SHISA9: variants seen among roughly 807,000 people sequenced by gnomAD.
SHISA9 encodes the protein protein shisa-9.
Under a neutral mutation model 38.0 loss-of-function variants are expected in SHISA9, and 13 were observed. The observed-to-expected ratio is 0.34, with a 90% CI of 0.22 to 0.54. The LOEUF (loss-of-function observed/expected upper bound fraction) is 0.54. Ranked by LOEUF, SHISA9 falls within the 20% of genes least tolerant of loss-of-function variation. The pLI is 0.91. For missense variants in SHISA9, 538 were observed against 575.8 expected, an observed-to-expected ratio of 0.93 and a Z score of 0.67; for synonymous variants, 275 against 242.0, an observed-to-expected ratio of 1.14 and a Z score of -1.27.
At chr16:13,516,592 G>C in the SHISA9 span, among the ~76,000 whole-genome samples, 3 of 152,136 alleles carry the variant, frequency 2.0e-5, no homozygotes, top group African/African-American at 7.2e-5. Flanking sequence ...CTGAGGTCAG[G>C]AGTTCGAGAC....
chr16:13,022,016 G>T (rs1057485054), intron 2 of SHISA9, among the ~76,000 whole-genome samples: 1 of 152,194 alleles, frequency 6.6e-6, no homozygotes, highest in Non-Finnish European at 1.5e-5. Flanking sequence ...TCTCGAGAGA[G>T]AATTCTTCCT....
chr16:13,226,014 C>T (rs204028), intron 4 of SHISA9, among the ~76,000 whole-genome samples: 118,772 of 151,802 alleles, frequency 0.78, 46,727 homozygotes, highest in Middle Eastern at 0.85. Flanking sequence ...CATCTGCCCA[C>T]GAGGTACCGG....
the SHISA9 span, among the ~76,000 whole-genome samples, chr16:13,252,071 T>G: frequency 7.2e-5 from 11 of 152,174 alleles, no homozygotes; most frequent in African/African-American, 2.4e-4. Flanking sequence ...TTCAGTTCCC[T>G]CCTTTTCACT....
At position 13,213,220 on chromosome 16, in the gene SHISA9, A is replaced by T. The variant is rs1326737771; in HGVS notation, c.848-33A>T. Reference sequence around the variant, plus strand: ...GTGAACATGGGTGCCCTGCAAACAGATCATCAGCATTTCTTGATTGTTATT... The same window carrying T: ...GTGAACATGGGTGCCCTGCAAACAGTTCATCAGCATTTCTTGATTGTTATT... On this transcript the variant is annotated intron_variant, in intron 3 of 4. Coordinates refer to ENST00000558583, the MANE Select transcript of SHISA9 (RefSeq NM_001145204.3). The T allele has an allele frequency of 5.2e-6, 8 of 1,549,172 alleles. No homozygotes were observed. The South Asian group carries it at 9.5e-5, about 18-fold the overall frequency.
At chr16:13,521,647 T>A in the SHISA9 span, among the ~76,000 whole-genome samples, 4 of 152,302 alleles carry the variant, frequency 2.6e-5, no homozygotes, top group East Asian at 5.8e-4. Context: ...GTAGATAGCT[T>A]TTGAATGTGA....
At chr16:13,406,492 G>C in the SHISA9 span, among the ~76,000 whole-genome samples, 1 of 152,158 alleles carries the variant, frequency 6.6e-6, no homozygotes, top group Non-Finnish European at 1.5e-5. Context: ...CTCAGGTCCA[G>C]GGCATCCTCT....
At chr16:13,294,710 T>C in the SHISA9 span, among the ~76,000 whole-genome samples, 14 of 152,356 alleles carry the variant, frequency 9.2e-5, no homozygotes, top group African/African-American at 2.9e-4. Context: ...TGGCAAATAC[T>C]GTATCTTCAT....
At chr16:13,462,123 T>C in the SHISA9 span, among the ~76,000 whole-genome samples, 1,251 of 151,246 alleles carry the variant, frequency 8.3e-3, 15 homozygotes, top group African/African-American at 0.029. Flanking sequence ...GAAAAAAAAA[T>C]AGCTGGGTAT....
chr16:13,342,642 T>C, the SHISA9 span, among the ~76,000 whole-genome samples: 1 of 152,210 alleles, frequency 6.6e-6, no homozygotes, highest in Admixed American at 6.5e-5. Context: ...CAAACTCTAA[T>C]ACAATAACTC....
chr16:13,491,974 G>T, the SHISA9 span, among the ~76,000 whole-genome samples: 1 of 150,946 alleles, frequency 6.6e-6, no homozygotes, highest in Non-Finnish European at 1.5e-5. Flanking sequence ...ACCATGTCTA[G>T]CTAAGGGCTG....
intron 2 of SHISA9, among the ~76,000 whole-genome samples, chr16:13,041,448 C>T (rs765076054): frequency 6.6e-6 from 1 of 152,234 alleles, no homozygotes; most frequent in African/African-American, 2.4e-5. Flanking sequence ...CCTTTGTCCT[C>T]TCTTTGGCTG....
chr16:13,361,798 T>C, the SHISA9 span, among the ~76,000 whole-genome samples: 2 of 152,236 alleles, frequency 1.3e-5, no homozygotes, highest in African/African-American at 4.8e-5. Flanking sequence ...TGATGATGTG[T>C]TGTCTGTTTC....
At chr16:13,148,689 GCACACACACA>G (rs3075124) in intron 2 of SHISA9, among the ~76,000 whole-genome samples, 2 of 132,442 alleles carry the variant, frequency 1.5e-5, no homozygotes, top group African/African-American at 3.2e-5. Context: ...ACATACACAA[GCACACACACA>G]CACACACACA....
At chr16:13,131,631 G>GA (rs61589895) in intron 2 of SHISA9, among the ~76,000 whole-genome samples, 21,694 of 150,068 alleles carry the variant, frequency 0.14, 2,036 homozygotes, top group African/African-American at 0.25. Context: ...AAAGTTGATG[G>GA]AAAAAAAAAG....
At chr16:13,549,758 C>G in the SHISA9 span, among the ~76,000 whole-genome samples, 3 of 152,014 alleles carry the variant, frequency 2.0e-5, no homozygotes, top group Admixed American at 1.3e-4. Flanking sequence ...GGTGTGGTGG[C>G]TCACACCTGT....
the SHISA9 span, among the ~76,000 whole-genome samples, chr16:13,531,396 C>T: frequency 2.6e-5 from 4 of 152,102 alleles, no homozygotes; most frequent in African/African-American, 9.7e-5. Flanking sequence ...TAAGTGCTTA[C>T]CATATTTAAA....
At chr16:12,981,133 C>T (rs2072234489) in intron 2 of SHISA9, among the ~76,000 whole-genome samples, 1 of 152,206 alleles carries the variant, frequency 6.6e-6, no homozygotes, top group South Asian at 2.1e-4. Context: ...GTATTGGGTA[C>T]TTTGATGGGC....
At chr16:13,287,129 T>A in the SHISA9 span, among the ~76,000 whole-genome samples, 2 of 152,150 alleles carry the variant, frequency 1.3e-5, no homozygotes, top group East Asian at 3.9e-4. Flanking sequence ...TTTAAAACAC[T>A]GTAACATGGC....
At chr16:13,289,436 G>A in the SHISA9 span, among the ~76,000 whole-genome samples, 1 of 151,952 alleles carries the variant, frequency 6.6e-6, no homozygotes, top group Non-Finnish European at 1.5e-5. Flanking sequence ...TTTGGGTCAG[G>A]GTTCTAGAAA....
Sources: allele counts gnomAD v4.1 joint callset (sites outside exome capture counted in the v4.1 genomes callset), GRCh38; gene constraint gnomAD v4.1.1; transcripts MANE v1.5; gene names NCBI Gene and HGNC (gene_info 2026-07-23, HGNC 2026-07-21).